Variants in ESR1 observed in about 807,000 individuals in gnomAD.
The protein encoded by ESR1 is estrogen receptor 1.
A neutral mutation model predicts 52.7 loss-of-function variants in ESR1; 12 were observed. The ratio of observed to expected loss-of-function variants is 0.23; its 90% CI spans 0.15 to 0.37. The LOEUF (loss-of-function observed/expected upper bound fraction) is 0.37. Ranked by LOEUF, ESR1 falls within the 10% of genes least tolerant of loss-of-function variation. The pLI, the probability that ESR1 is intolerant of heterozygous loss-of-function variation, is 1.00. For missense variants in ESR1, 584 were observed against 779.7 expected, an observed-to-expected ratio of 0.75 and a Z score of 2.99; for synonymous variants, 305 against 316.8, an observed-to-expected ratio of 0.96 and a Z score of 0.39.
rs1463169338 is a variant in ESR1 at position 151,826,908 on chromosome 6, A to G, written c.453-15689A>G. On this transcript the variant is annotated intron_variant, in intron 1 of 7. Coordinates refer to ENST00000206249, the MANE Select transcript of ESR1 (RefSeq NM_000125.4). ...CAAAGTCTTGAATAAGGGAGGGAATAGTACCATGAGATATCCTGGTGAAAA... is the reference window on the plus strand; with the variant it reads ...CAAAGTCTTGAATAAGGGAGGGAATGGTACCATGAGATATCCTGGTGAAAA... 2.6e-5 allele frequency among the ~76,000 whole-genome samples: 4 copies of G among 152,224 alleles called. No homozygotes were observed. The East Asian group carries it at 7.7e-4, about 29-fold the overall frequency.
At chr6:152,057,728 C>T (rs1015860682) in intron 5 of ESR1, among the ~76,000 whole-genome samples, 2 of 149,320 alleles carry the variant, frequency 1.3e-5, no homozygotes, top group East Asian at 3.9e-4. Flanking sequence ...CACACACACA[C>T]GTGAGAACTG....
At chr6:151,890,909 T>C (rs1794611458) in intron 3 of ESR1, among the ~76,000 whole-genome samples, 1 of 152,216 alleles carries the variant, frequency 6.6e-6, no homozygotes, top group Non-Finnish European at 1.5e-5. Context: ...CTAGACATCA[T>C]ATAACAGGGT....
chr6:151,709,467 A>C (rs1780422761), intron 2 of ESR1, among the ~76,000 whole-genome samples: 1 of 152,188 alleles, frequency 6.6e-6, no homozygotes, highest in African/African-American at 2.4e-5. Flanking sequence ...TGGCTTTGAC[A>C]TACTGAATAC....
At chr6:151,987,552 A>G (rs1382633250) in intron 4 of ESR1, among the ~76,000 whole-genome samples, 2 of 151,994 alleles carry the variant, frequency 1.3e-5, no homozygotes, top group Non-Finnish European at 2.9e-5. Flanking sequence ...ATAGGTTACG[A>G]CAGTTGCTCC....
In ESR1 at chr6:151,944,294, C is replaced by T. The variant is rs1160344074; in HGVS notation, c.882C>T (p.Ser294=). 3 of 1,614,162 alleles carry T rather than the reference C, an allele frequency of 1.9e-6. No homozygotes were observed. The highest frequency in any genetic ancestry group is 1.7e-5 in the Admixed American group (1 of 60,012). The stretch of plus-strand genomic sequence containing the variant: ...TGAGAGCTGCCAACCTTTGGCCAAG[C>T]CCGCTCATGATCAAACGCTCTAAGA... ...GDMRAANLWP[S]PLMIKRSKKN... Residue 294 remains serine (S), a synonymous_variant, in exon 4 of 8, where the codon AGC becomes AGT. Transcript: ENST00000206249.
At chr6:151,878,726 A>G (rs573667971) in intron 2 of ESR1, among the ~76,000 whole-genome samples, 20 of 152,362 alleles carry the variant, frequency 1.3e-4, no homozygotes, top group Admixed American at 1.0e-3. Context: ...GTTTTACAAT[A>G]GTATACATAA....
intron 2 of ESR1, among the ~76,000 whole-genome samples, chr6:151,797,226 T>C (rs140517150): frequency 6.6e-6 from 1 of 152,364 alleles, no homozygotes; most frequent in Non-Finnish European, 1.5e-5. Context: ...TCTGGGCTGA[T>C]TGGAAAACAT....
chr6:151,668,389 C>T (rs560626169), intron 1 of ESR1, among the ~76,000 whole-genome samples: 1 of 152,272 alleles, frequency 6.6e-6, no homozygotes, highest in Admixed American at 6.5e-5. Flanking sequence ...TGCCATTCTC[C>T]TGCCTCAGCC....
rs540470332 is a variant in ESR1, at chr6:151,871,984, G to A, written c.644-8671G>A. Among the ~76,000 whole-genome samples the A allele has an allele frequency of 8.5e-5, 13 of 152,270 alleles. No individual in the cohort carries two copies. In the South Asian group the frequency reaches 1.2e-3, roughly 15 times the overall value. Reference sequence around the variant, plus strand: ...CACTTTATTTATCCATTTGTCTGTTGATGGACATTTGGATGATTTCCATCT... The same window carrying A: ...CACTTTATTTATCCATTTGTCTGTTAATGGACATTTGGATGATTTCCATCT... On this transcript the variant is annotated intron_variant, in intron 2 of 7. Coordinates refer to ENST00000206249, the MANE Select transcript of ESR1 (RefSeq NM_000125.4).
intron 3 of ESR1, among the ~76,000 whole-genome samples, chr6:151,882,755 G>A (rs550580643): frequency 6.0e-5 from 9 of 150,480 alleles, no homozygotes; most frequent in East Asian, 3.9e-4. Flanking sequence ...TCATAAAACC[G>A]ATTCTGTTTT....
At chr6:152,064,987 C>T (rs1252059120) in intron 6 of ESR1, among the ~76,000 whole-genome samples, 1 of 152,172 alleles carries the variant, frequency 6.6e-6, no homozygotes, top group Non-Finnish European at 1.5e-5. Flanking sequence ...GTGTCTATTG[C>T]AGTTCATGGA....
intron 2 of ESR1, among the ~76,000 whole-genome samples, chr6:151,751,334 G>C (rs1043115384): frequency 1.3e-5 from 2 of 152,162 alleles, no homozygotes; most frequent in African/African-American, 2.4e-5. Flanking sequence ...TTATCTGTTT[G>C]AGAGTAAAAG....
At chr6:151,865,816 G>C (rs952458450) in intron 2 of ESR1, among the ~76,000 whole-genome samples, 1 of 152,186 alleles carries the variant, frequency 6.6e-6, no homozygotes, top group Non-Finnish European at 1.5e-5. Context: ...CTCTGGAGAG[G>C]GGAGGAAACG....
rs2048261771 is a variant in ESR1 at position 152,070,252 on chromosome 6, T to G, written c.1369+9128T>G. Among the ~76,000 whole-genome samples, 2 of 137,292 alleles carry G rather than the reference T, an allele frequency of 1.5e-5. 1 individual carries two copies. Among genetic ancestry groups the G allele is most frequent in the Non-Finnish European group, 3.0e-5 (2 of 66,720 alleles). 90.1% of individuals were successfully genotyped at this position (137,292 alleles called of 152,430 possible). ...TTTTGAAGTCAAGACCTCCCTACAC[T>G]AATCAAAGAACTAGAGGTGCAATCA... On this transcript the variant is annotated intron_variant, in intron 6 of 7. Coordinates refer to ENST00000206249, the MANE Select transcript of ESR1 (RefSeq NM_000125.4).
chr6:152,097,146 T>C (rs2050675379), intron 7 of ESR1, among the ~76,000 whole-genome samples: 1 of 151,862 alleles, frequency 6.6e-6, no homozygotes, highest in Non-Finnish European at 1.5e-5. Context: ...TCTCTCTCTC[T>C]TTCTCTCTCT....
intron 3 of ESR1, among the ~76,000 whole-genome samples, chr6:151,942,931 G>GT (rs1157892708): frequency 1.3e-5 from 2 of 152,124 alleles, no homozygotes; most frequent in African/African-American, 4.8e-5. Context: ...TAAAATAGTT[G>GT]TTTTTTTGCA....
At chr6:151,720,785 C>T (rs1386053811) in intron 2 of ESR1, among the ~76,000 whole-genome samples, 1 of 152,168 alleles carries the variant, frequency 6.6e-6, no homozygotes, top group Non-Finnish European at 1.5e-5. Flanking sequence ...GTCTAACATA[C>T]ATTTGAGCCA....
intron 3 of ESR1, among the ~76,000 whole-genome samples, chr6:151,935,901 G>A (rs1161397240): frequency 6.6e-6 from 1 of 152,182 alleles, no homozygotes; most frequent in Non-Finnish European, 1.5e-5. Flanking sequence ...AAACAGAACA[G>A]TCTTACTTTG....
downstream of ESR1, among the ~76,000 whole-genome samples, chr6:152,107,000 G>T (rs1043841380): frequency 6.6e-6 from 1 of 152,134 alleles, no homozygotes; most frequent in African/African-American, 2.4e-5. Flanking sequence ...ACCTGTATCT[G>T]ACAAGTTACT....
Sources: allele counts gnomAD v4.1 joint callset (sites outside exome capture counted in the v4.1 genomes callset), GRCh38; gene constraint gnomAD v4.1.1; transcripts MANE v1.5; gene names NCBI Gene and HGNC (gene_info 2026-07-23, HGNC 2026-07-21).